The following ATP10D variants were observed in gnomAD, a reference collection of about 807,000 sequenced individuals.
ATP10D encodes phospholipid-transporting ATPase VD.
ATP10D carries 89 observed loss-of-function variants against 144.8 expected under a neutral mutation model. That is an observed-to-expected ratio of 0.61 (90% CI 0.52 to 0.73). The LOEUF (loss-of-function observed/expected upper bound fraction) is 0.73. Ranked by LOEUF, ATP10D falls within the 30% of genes least tolerant of loss-of-function variation. ATP10D has a pLI of 0.00. For synonymous variants in ATP10D, 571 were observed against 615.1 expected (o/e 0.93, Z 1.06); for missense variants, 1,603 against 1,714.8 (o/e 0.93, Z 1.15).
Position 47,591,938 on chromosome 4 carries a change from TAG to T in ATP10D, c.*558_*559del, listed in dbSNP as rs1290158650. The T allele has an allele frequency of 6.6e-6, 1 of 152,156 alleles. No individual in the cohort carries two copies. The highest frequency in any genetic ancestry group is 1.5e-5 in the Non-Finnish European group (1 of 68,004). The allele number at this position is 152,156 out of a possible 1,614,324, so 9.4% of individuals were successfully genotyped here. A position where few individuals can be genotyped will look rare whatever the true frequency, so the allele number is the denominator to read the frequency against. On this transcript the variant is annotated 3_prime_UTR_variant, in exon 23 of 23. Transcript: ENST00000273859. ...TTAAAATACAGTTAGTGCCTATTAATAGCTTTTTATTTCCTATGGGAAGATGC... is the reference window on the plus strand; with the variant it reads ...TTAAAATACAGTTAGTGCCTATTAATCTTTTTATTTCCTATGGGAAGATGC...
intron 9 of ATP10D, among the ~76,000 whole-genome samples, chr4:47,543,498 A>G (rs1718263321): frequency 1.3e-5 from 2 of 152,202 alleles, no homozygotes; most frequent in South Asian, 4.1e-4. Flanking sequence ...ACTGAATGCC[A>G]GCAGCACACT....
intron 9 of ATP10D, among the ~76,000 whole-genome samples, chr4:47,544,215 A>G (rs1294805534): frequency 2.6e-5 from 4 of 152,228 alleles, no homozygotes; most frequent in Non-Finnish European, 4.4e-5. Context: ...ATCTGCTGAG[A>G]TATAATGATT....
chr4:47,522,882 A>T, intron 3 of ATP10D, 130 bp from the exon 4 acceptor site: 2 of 772,186 alleles, frequency 2.6e-6, no homozygotes, highest in Non-Finnish European at 4.0e-6. Flanking sequence ...TTGAGCATTT[A>T]ATAGATTAAA....
At chr4:47,520,067 TAGAG>T (rs1355548878) in intron 3 of ATP10D, among the ~76,000 whole-genome samples, 2 of 152,214 alleles carry the variant, frequency 1.3e-5, no homozygotes, top group African/African-American at 4.8e-5. Context: ...TCTTCTAATA[TAGAG>T]AAAGAAACTT....
At chr4:47,539,444 G>T (rs1293595638) in intron 9 of ATP10D, among the ~76,000 whole-genome samples, 1 of 152,100 alleles carries the variant, frequency 6.6e-6, no homozygotes, top group African/African-American at 2.4e-5. Flanking sequence ...AAACAGAATA[G>T]ATCACTGTTA....
At chr4:47,587,249 A>G in intron 22 of ATP10D, 43 bp downstream of exon 22, 1 of 1,552,858 alleles carries the variant, frequency 6.4e-7, no homozygotes. Flanking sequence ...ATGGAATCAT[A>G]GGCTAAGAAT....
intron 15 of ATP10D, among the ~76,000 whole-genome samples, 196 bp from the exon 16 acceptor site, chr4:47,568,640 TC>T (rs1392352419): frequency 6.6e-6 from 1 of 152,116 alleles, no homozygotes; most frequent in Non-Finnish European, 1.5e-5. Context: ...GGTGAGATGT[TC>T]CCCCTCCTTT....
chr4:47,533,625 C>A (rs1361655100), intron 5 of ATP10D, among the ~76,000 whole-genome samples: 1 of 152,128 alleles, frequency 6.6e-6, no homozygotes, highest in South Asian at 2.1e-4. Context: ...ATTAAAAGGA[C>A]AGTTTCAAAA....
intron 3 of ATP10D, among the ~76,000 whole-genome samples, chr4:47,519,994 T>C (rs1399404334): frequency 6.6e-6 from 1 of 152,236 alleles, no homozygotes; most frequent in African/African-American, 2.4e-5. Context: ...TAAATCTTGG[T>C]ACATGCTACA....
At chr4:47,501,378 A>G (rs1472634088) in intron 1 of ATP10D, among the ~76,000 whole-genome samples, 1 of 152,236 alleles carries the variant, frequency 6.6e-6, no homozygotes, top group Non-Finnish European at 1.5e-5. Flanking sequence ...CACCTAGTAC[A>G]AAATGAATGT....
At chr4:47,523,403 A>G (rs1717069622) in intron 4 of ATP10D, among the ~76,000 whole-genome samples, 187 bp downstream of exon 4, 1 of 152,230 alleles carries the variant, frequency 6.6e-6, no homozygotes, top group Admixed American at 6.5e-5. Context: ...AGAGGATAAA[A>G]TGACTTCAGA....
rs112326729 is a variant in ATP10D at position 47,565,469 on chromosome 4, G to T, written c.2853+1704G>T. On this transcript the variant is annotated intron_variant, in intron 15 of 22. Coordinates refer to ENST00000273859, the MANE Select transcript of ATP10D (RefSeq NM_020453.4). ...CCAAAAGAATGTAGCCTAGGTGGCTGGTAAGACTAGGGATCAAATGCTTGG... is the reference window on the plus strand; with the variant it reads ...CCAAAAGAATGTAGCCTAGGTGGCTTGTAAGACTAGGGATCAAATGCTTGG... Among the ~76,000 whole-genome samples the T allele has an allele frequency of 7.2e-5, 11 of 152,260 alleles. 2 individuals are homozygous for T. The highest frequency in any genetic ancestry group is 2.4e-4 in the African/African-American group (10 of 41,546).
intron 13 of ATP10D, 86 bp from the exon 14 acceptor site, chr4:47,560,863 G>T (rs762870748): frequency 1.3e-5 from 20 of 1,516,628 alleles, no homozygotes; most frequent in Non-Finnish European, 1.8e-5. Context: ...CAAGTTGATG[G>T]TTTGATATTT....
chr4:47,557,878 G>A lies in ATP10D; in HGVS notation c.2039G>A (p.Cys680Tyr), dbSNP rs201572653. ...GTGGAGGAAGAGGTCTCCCAGGTGT[G>A]TGAGAGCCCCCAGTGCTCCAGTAGC... ...SPVEEEVSQVCESPQCSSSSA... is the reference protein window; with the variant it reads ...SPVEEEVSQVYESPQCSSSSA... Residue 680 changes from cysteine (C) to tyrosine (Y), a missense_variant, in exon 12 of 23, where the codon TGT becomes TAT. By Grantham distance (194) the Cys-to-Tyr change is radical (BLOSUM62 -2). Transcript: ENST00000273859. The A allele has an allele frequency of 7.4e-6, 12 of 1,614,066 alleles. No homozygotes were observed. The highest frequency in any genetic ancestry group is 1.3e-5 in the African/African-American group (1 of 74,926).
intron 20 of ATP10D, 98 bp downstream of exon 20, chr4:47,580,576 C>T (rs1438925806): frequency 9.5e-7 from 1 of 1,052,234 alleles, no homozygotes; most frequent in African/African-American, 1.6e-5. Context: ...GCAGATTGCT[C>T]ATATAATCAG....
intron 10 of ATP10D, among the ~76,000 whole-genome samples, chr4:47,550,941 A>G (rs778505508): frequency 6.6e-6 from 1 of 152,226 alleles, no homozygotes; most frequent in Non-Finnish European, 1.5e-5. Context: ...GATTTAATAG[A>G]GTGAAATAGA....
intron 9 of ATP10D, among the ~76,000 whole-genome samples, chr4:47,542,552 A>T (rs561305491): frequency 6.6e-6 from 1 of 152,128 alleles, no homozygotes; most frequent in East Asian, 1.9e-4. Context: ...ATCTTGGCTC[A>T]CTGCAACCCC....
intron 10 of ATP10D, among the ~76,000 whole-genome samples, chr4:47,548,013 A>G (rs914181716): frequency 1.3e-5 from 2 of 152,040 alleles, no homozygotes; most frequent in African/African-American, 2.4e-5. Flanking sequence ...TCGGAAATAT[A>G]TTTTTCTTCT....
intron 14 of ATP10D, among the ~76,000 whole-genome samples, chr4:47,562,332 T>C (rs1042560616): frequency 1.3e-5 from 2 of 152,152 alleles, no homozygotes; most frequent in African/African-American, 2.4e-5. Context: ...AAATAGACAT[T>C]GTATCTTACT....
Sources: gnomAD v4.1 joint callset for allele counts (sites outside exome capture counted in the v4.1 genomes callset) on GRCh38, gnomAD v4.1.1 for gene constraint, MANE v1.5 for transcripts, NCBI Gene and HGNC (gene_info 2026-07-23, HGNC 2026-07-21) for gene names.